The following KPNA7 variants were observed in gnomAD, a reference collection of about 807,000 sequenced individuals.
KPNA7 encodes karyopherin subunit alpha 7.
A neutral mutation model predicts 53.7 loss-of-function variants in KPNA7; 54 were observed. The observed-to-expected ratio is 1.01, with a 90% confidence interval of 0.81 to 1.26. The LOEUF (loss-of-function observed/expected upper bound fraction) is 1.26. Among genes scored for constraint, KPNA7 ranks in the 50% most tolerant of loss-of-function variants. The pLI is 0.00. For missense variants in KPNA7, 640 were observed against 644.5 expected, an observed-to-expected ratio of 0.99 and a Z score of 0.07; for synonymous variants, 276 against 259.3, an observed-to-expected ratio of 1.06 and a Z score of -0.62.
intron 9 of KPNA7, 121 bp from the exon 10 acceptor site, chr7:99,178,187 T>C (rs748666222): frequency 2.0e-5 from 16 of 809,758 alleles, no homozygotes; most frequent in Non-Finnish European, 2.7e-5. Flanking sequence ...CATTCCAGAA[T>C]GGATAGTTGC....
At chr7:99,178,154 A>C (rs952117221) in intron 9 of KPNA7, 88 bp from the exon 10 acceptor site, 1 of 1,185,670 alleles carries the variant, frequency 8.4e-7, no homozygotes, top group Non-Finnish European at 1.2e-6. Context: ...AGCTGCCCCG[A>C]GTGGAAGCAG....
chr7:99,157,370 C>G, the KPNA7 span, among the ~76,000 whole-genome samples: 2 of 152,020 alleles, frequency 1.3e-5, no homozygotes, highest in African/African-American at 4.8e-5. Context: ...CCACCACACC[C>G]GGCTAATTTT....
intron 9 of KPNA7, among the ~76,000 whole-genome samples, chr7:99,181,223 G>A (rs963502973): frequency 8.1e-5 from 12 of 147,454 alleles, no homozygotes; most frequent in East Asian, 2.0e-4. Context: ...CTCTCTCTCC[G>A]TCTGTCTTTC....
intron 6 of KPNA7, among the ~76,000 whole-genome samples, chr7:99,191,766 C>T (rs1789967879): frequency 6.6e-6 from 1 of 152,146 alleles, no homozygotes; most frequent in Admixed American, 6.6e-5. Flanking sequence ...TCTCCTGCCT[C>T]AGCCTCCCAA....
chr7:99,176,371 G>A (rs527990719), intron 10 of KPNA7, among the ~76,000 whole-genome samples: 51 of 151,018 alleles, frequency 3.4e-4, no homozygotes, highest in African/African-American at 1.2e-3. Flanking sequence ...AAACCACAAT[G>A]AGATACCACT....
downstream of KPNA7, among the ~76,000 whole-genome samples, chr7:99,170,997 T>C (rs1798760433): frequency 6.6e-6 from 1 of 152,074 alleles, no homozygotes; most frequent in Non-Finnish European, 1.5e-5. Flanking sequence ...GCAATCCCAC[T>C]GAGGTCAGGA....
chr7:99,190,683 TCTCA>T (rs1446644443), intron 6 of KPNA7, among the ~76,000 whole-genome samples: 1 of 143,910 alleles, frequency 6.9e-6, no homozygotes, highest in Non-Finnish European at 1.5e-5. Flanking sequence ...GGAGACAGGG[TCTCA>T]CTCCATCACC....
upstream of KPNA7, among the ~76,000 whole-genome samples, chr7:99,209,074 T>C (rs1394707481): frequency 6.6e-6 from 1 of 151,970 alleles, no homozygotes; most frequent in Admixed American, 6.6e-5. Flanking sequence ...ATCACTTGAA[T>C]CCGGGAGGCG....
intron 2 of KPNA7, among the ~76,000 whole-genome samples, chr7:99,206,811 A>G (rs1790840044): frequency 1.3e-5 from 2 of 152,142 alleles, no homozygotes; most frequent in Non-Finnish European, 2.9e-5. Context: ...GGGTTCTGAA[A>G]TTAAATAATT....
the KPNA7 span, among the ~76,000 whole-genome samples, chr7:99,166,021 C>G: frequency 2.0e-5 from 3 of 152,094 alleles, no homozygotes; most frequent in Non-Finnish European, 4.4e-5. Context: ...CCCCTTCTCT[C>G]TCTTCCTTCT....
intron 9 of KPNA7, among the ~76,000 whole-genome samples, chr7:99,180,649 GTC>G (rs1022141343): frequency 7.3e-5 from 9 of 123,138 alleles, no homozygotes; most frequent in East Asian, 2.6e-4. Context: ...CTCCGTCTCT[GTC>G]TCTCTCTCCC....
At chr7:99,190,471 T>C (rs950283938) in intron 6 of KPNA7, among the ~76,000 whole-genome samples, 3 of 152,162 alleles carry the variant, frequency 2.0e-5, no homozygotes, top group Non-Finnish European at 4.4e-5. Flanking sequence ...TGCCTGAATT[T>C]AGAACCTTAG....
intron 3 of KPNA7, among the ~76,000 whole-genome samples, chr7:99,202,333 G>T (rs558287561): frequency 6.6e-6 from 1 of 152,040 alleles, no homozygotes; most frequent in East Asian, 1.9e-4. Flanking sequence ...CAAGGCATTC[G>T]GTATTCACAG....
rs1239825473 is a variant in KPNA7 at position 99,195,321 on chromosome 7, T to A, written c.302A>T (p.Glu101Val). ...TQTARKMLSQ[E>V]KNPPLKLVIE... ...GACCAGTTTCAGAGGGGGGTTCTTT[T>A]CCTGGGATAGCATTTTCCTATGCAA... is the stretch of plus-strand genomic sequence containing the variant. The change falls in exon 5 of 11, where the codon GAA becomes GTA. Residue 101 changes from glutamate to valine, a missense_variant. Glu to Val is a moderately radical substitution (Grantham distance 121). Coordinates refer to ENST00000327442, the MANE Select transcript of KPNA7 (RefSeq NM_001145715.3). 15 of 1,551,352 alleles carry A rather than the reference T, an allele frequency of 9.7e-6. No homozygotes were observed. Among genetic ancestry groups the A allele is most frequent in the Non-Finnish European group, 1.1e-5 (13 of 1,146,912 alleles).
At chr7:99,181,652 G>GA (rs1224345822) in intron 9 of KPNA7, among the ~76,000 whole-genome samples, 1 of 152,064 alleles carries the variant, frequency 6.6e-6, no homozygotes, top group Non-Finnish European at 1.5e-5. Context: ...GGTTTCAAGC[G>GA]ATTCTCCCAC....
chr7:99,208,492 G>A (rs1421300568), upstream of KPNA7, among the ~76,000 whole-genome samples: 4 of 152,042 alleles, frequency 2.6e-5, no homozygotes, highest in South Asian at 4.1e-4. Context: ...TCCTGACCTC[G>A]TGATCCACCC....
chr7:99,182,009 C>A lies in KPNA7; in HGVS notation c.1191G>T (p.Gly397=). Residue 397 remains glycine, a synonymous_variant, in exon 9 of 11, where the codon GGG becomes GGT. Transcript: ENST00000327442. ...AVWMVANFAT[G]ATMDQLIQLV... Reference sequence around the variant, plus strand: ...GCTGGATCAGCTGATCCATGGTGGCCCCTGTTGCAAAGTTCGCCACCATCC... The same window carrying A: ...GCTGGATCAGCTGATCCATGGTGGCACCTGTTGCAAAGTTCGCCACCATCC... 2 of 1,549,462 alleles carry A rather than the reference C, an allele frequency of 1.3e-6. No individual in the cohort carries two copies. Among genetic ancestry groups the A allele is most frequent in the Non-Finnish European group, 8.7e-7 (1 of 1,145,304 alleles).
upstream of KPNA7, among the ~76,000 whole-genome samples, chr7:99,212,758 C>T (rs928079650): frequency 2.0e-5 from 3 of 151,628 alleles, no homozygotes; most frequent in African/African-American, 4.8e-5. Context: ...AAAATTAATC[C>T]GGCATCGTGA....
At chr7:99,167,382 T>A in the KPNA7 span, among the ~76,000 whole-genome samples, 1 of 152,170 alleles carries the variant, frequency 6.6e-6, no homozygotes, top group Non-Finnish European at 1.5e-5. Flanking sequence ...CTCCGCCTCC[T>A]GTCAGATCAG....
Sources: allele counts gnomAD v4.1 joint callset (sites outside exome capture counted in the v4.1 genomes callset), GRCh38; gene constraint gnomAD v4.1.1; transcripts MANE v1.5; gene names NCBI Gene and HGNC (gene_info 2026-07-23, HGNC 2026-07-21).